The following GALNTL6 variants were observed in gnomAD, a reference collection of about 807,000 sequenced individuals.
GALNTL6 encodes the protein polypeptide N-acetylgalactosaminyltransferase-like 6.
Under a neutral mutation model 73.7 loss-of-function variants are expected in GALNTL6, and 46 were observed. The observed-to-expected ratio is 0.62, with a 90% CI of 0.49 to 0.80. GALNTL6 has a LOEUF of 0.80. GALNTL6 is among the 30% of genes least tolerant of loss of function. GALNTL6 has a pLI of 0.00. For synonymous variants in GALNTL6, 259 were observed against 263.7 expected (o/e 0.98, Z 0.17); for missense variants, 604 against 755.0 (o/e 0.80, Z 2.34).
chr4:173,027,897 T>A (rs1352452260), intron 12 of GALNTL6, among the ~76,000 whole-genome samples: 4 of 152,018 alleles, frequency 2.6e-5, no homozygotes, highest in Non-Finnish European at 5.9e-5. Flanking sequence ...CAACAAAAAA[T>A]AGAAAATGAA....
chr4:171,852,886 G>A (rs907805236), intron 2 of GALNTL6, among the ~76,000 whole-genome samples: 3 of 151,902 alleles, frequency 2.0e-5, no homozygotes, highest in Non-Finnish European at 4.4e-5. Context: ...TTGCTCTGTC[G>A]CCCAGGCTGG....
Position 172,053,629 on chromosome 4 carries a change from T to A in GALNTL6, c.139-176027T>A, listed in dbSNP as rs1409628483. Among the ~76,000 whole-genome samples the A allele has an allele frequency of 2.0e-5, 3 of 152,134 alleles. No homozygotes were observed. In the East Asian group the frequency reaches 5.8e-4, roughly 29 times the overall value. On this transcript the variant is annotated intron_variant, in intron 2 of 12. Coordinates refer to ENST00000506823, the MANE Select transcript of GALNTL6 (RefSeq NM_001034845.3). ...GCGAACTTAGTGCATTATATTAATA[T>A]CACAATTGTCCCTCTACAATTGGGG... is the stretch of plus-strand genomic sequence containing the variant.
chr4:172,735,828 G>C lies in GALNTL6; in HGVS notation c.554-73533G>C, dbSNP rs539208967. ...ATTTTCCCTAAGTGTCGGCCGGTCTGAGAAATAAAGAGAAACAGTACAAAA... is the reference window on the plus strand; with the variant it reads ...ATTTTCCCTAAGTGTCGGCCGGTCTCAGAAATAAAGAGAAACAGTACAAAA... On this transcript the variant is annotated intron_variant, in intron 5 of 12. Transcript: ENST00000506823. 1.5e-3 allele frequency among the ~76,000 whole-genome samples: 230 copies of C among 152,258 alleles called. 2 individuals are homozygous for C. The highest frequency in any genetic ancestry group is 2.5e-3 in the Non-Finnish European group (172 of 68,022).
At chr4:172,711,956 C>G (rs965591817) in intron 5 of GALNTL6, among the ~76,000 whole-genome samples, 2 of 152,096 alleles carry the variant, frequency 1.3e-5, no homozygotes, top group Non-Finnish European at 2.9e-5. Flanking sequence ...GAAGGAAAAC[C>G]AGAGCTATCC....
chr4:171,852,518 T>TTG (rs1553964499), intron 2 of GALNTL6, among the ~76,000 whole-genome samples: 1 of 149,168 alleles, frequency 6.7e-6, no homozygotes, highest in Non-Finnish European at 1.5e-5. Flanking sequence ...TTAGCTTTCT[T>TTG]TATATATATA....
rs1361776166 is a variant in GALNTL6, at chr4:172,164,132, A to T, written c.139-65524A>T. 2.0e-5 allele frequency among the ~76,000 whole-genome samples: 3 copies of T among 152,092 alleles called. No homozygotes were observed. In the East Asian group the frequency reaches 5.8e-4, roughly 29 times the overall value. On this transcript the variant is annotated intron_variant, in intron 2 of 12. Coordinates refer to ENST00000506823, the MANE Select transcript of GALNTL6 (RefSeq NM_001034845.3). ...ATGATGAGCATATGGCCAATGAATA[A>T]CTTTTGACATGGGACTGACTTACTC...
At chr4:172,680,720 C>T (rs1408104582) in intron 5 of GALNTL6, among the ~76,000 whole-genome samples, 1 of 152,182 alleles carries the variant, frequency 6.6e-6, no homozygotes, top group African/African-American at 2.4e-5. Context: ...AGACCTCAAA[C>T]TTTATTATAT....
At chr4:172,208,656 G>A (rs955174179) in intron 2 of GALNTL6, among the ~76,000 whole-genome samples, 1 of 152,048 alleles carries the variant, frequency 6.6e-6, no homozygotes, top group Non-Finnish European at 1.5e-5. Flanking sequence ...AAAAAAGAAT[G>A]CATTTTATAA....
intron 2 of GALNTL6, among the ~76,000 whole-genome samples, chr4:172,116,162 G>C (rs1377011931): frequency 1.3e-5 from 2 of 151,862 alleles, no homozygotes; most frequent in African/African-American, 4.8e-5. Context: ...CTTATAATTT[G>C]ATAATCATAT....
At chr4:172,845,167 A>G (rs1379112801) in intron 7 of GALNTL6, among the ~76,000 whole-genome samples, 1 of 150,152 alleles carries the variant, frequency 6.7e-6, no homozygotes, top group Non-Finnish European at 1.5e-5. Context: ...GCAGTGAGCC[A>G]AGATTGCACC....
At chr4:173,003,293 G>A (rs1404996995) in intron 10 of GALNTL6, among the ~76,000 whole-genome samples, 1 of 152,122 alleles carries the variant, frequency 6.6e-6, no homozygotes, top group Non-Finnish European at 1.5e-5. Context: ...GGTATGTTTG[G>A]TGTGGCGCTC....
chr4:171,961,525 T>G (rs1329729075), intron 2 of GALNTL6, among the ~76,000 whole-genome samples: 2 of 152,208 alleles, frequency 1.3e-5, no homozygotes, highest in Non-Finnish European at 1.5e-5. Context: ...ATAATTATTC[T>G]TGCTGCACTT....
chr4:171,953,223 CACGT>C (rs1738937741), intron 2 of GALNTL6, among the ~76,000 whole-genome samples: 1 of 107,318 alleles, frequency 9.3e-6, no homozygotes, highest in Admixed American at 1.1e-4. Flanking sequence ...TGCGCATGCG[CACGT>C]GTGTGTGTGT....
intron 3 of GALNTL6, among the ~76,000 whole-genome samples, chr4:172,271,808 A>T (rs140323674): frequency 6.6e-6 from 1 of 152,092 alleles, no homozygotes; most frequent in Admixed American, 6.6e-5. Flanking sequence ...TGATGAAAGA[A>T]ACTAAGCATC....
At chr4:172,410,940 A>G (rs546326360) in intron 5 of GALNTL6, among the ~76,000 whole-genome samples, 1 of 152,268 alleles carries the variant, frequency 6.6e-6, no homozygotes, top group South Asian at 2.1e-4. Flanking sequence ...TTATTATGGA[A>G]CTAAATAAAT....
chr4:172,815,815 A>G (rs561448626), intron 7 of GALNTL6, among the ~76,000 whole-genome samples: 2 of 152,316 alleles, frequency 1.3e-5, no homozygotes, highest in East Asian at 3.9e-4. Flanking sequence ...GCATATTACT[A>G]TCTTTCTGCC....
chr4:172,223,144 A>T (rs868311200), intron 2 of GALNTL6, among the ~76,000 whole-genome samples: 40 of 152,160 alleles, frequency 2.6e-4, no homozygotes, highest in African/African-American at 9.6e-4. Context: ...ATGTTTACGA[A>T]GTCAAGAGTA....
At chr4:171,907,215 G>C (rs541487779) in intron 2 of GALNTL6, among the ~76,000 whole-genome samples, 1 of 152,256 alleles carries the variant, frequency 6.6e-6, no homozygotes. Flanking sequence ...GTCCCAGTTT[G>C]CAGATGACAT....
At chr4:172,887,110 T>A (rs1745763149) in intron 8 of GALNTL6, among the ~76,000 whole-genome samples, 2 of 152,240 alleles carry the variant, frequency 1.3e-5, no homozygotes, top group South Asian at 4.1e-4. Context: ...TGCATTAACA[T>A]GCTTAGGATA....
Sources: allele counts gnomAD v4.1 joint callset (sites outside exome capture counted in the v4.1 genomes callset), GRCh38; gene constraint gnomAD v4.1.1; transcripts MANE v1.5; gene names NCBI Gene and HGNC (gene_info 2026-07-23, HGNC 2026-07-21).